SMARCA4: variants seen among roughly 807,000 people sequenced by gnomAD.
SMARCA4 encodes the protein SWI/SNF-related matrix-associated actin-dependent regulator of chromatin subfamily A member 4.
Under a neutral mutation model 193.9 loss-of-function variants are expected in SMARCA4, and 31 were observed. The observed-to-expected ratio is 0.16, with a 90% confidence interval of 0.12 to 0.22. SMARCA4 has a LOEUF of 0.22. Among genes scored for constraint, SMARCA4 ranks in the 10% least tolerant of loss-of-function variants. SMARCA4 has a pLI of 1.00. For synonymous variants in SMARCA4, 942 were observed against 933.1 expected, an observed-to-expected ratio of 1.01 and a Z score of -0.17; for missense variants, 1,148 against 2,296.0, an observed-to-expected ratio of 0.50 and a Z score of 10.22.
chr19:10,981,896 G>A (rs1275695579), intron 1 of SMARCA4, among the ~76,000 whole-genome samples: 1 of 152,184 alleles, frequency 6.6e-6, no homozygotes, highest in Non-Finnish European at 1.5e-5. Context: ...GCTGAGGCAG[G>A]AGGACGGCTT....
In SMARCA4 at chr19:11,041,760, G is replaced by A. The variant is rs372728170; in HGVS notation, c.4424+200G>A. On this transcript the variant is annotated intron_variant, in intron 30 of 34. Transcript: ENST00000344626. This position sits in a 1 kb window ranked among gnomAD's most constrained non-coding sequence, Gnocchi z 5.6. ...AACAGGGAAGCACACATGTATCTGC[G>A]GTGATGAGAGGGAATGTCACATGTG... Among the ~76,000 whole-genome samples, 26 of 152,268 alleles carry A rather than the reference G, an allele frequency of 1.7e-4. No individual in the cohort carries two copies. In the South Asian group the frequency reaches 3.1e-3, roughly 18 times the overall value.
At chr19:11,005,299 C>G (rs765193367) in intron 13 of SMARCA4, among the ~76,000 whole-genome samples, 2 of 152,176 alleles carry the variant, frequency 1.3e-5, no homozygotes, top group Non-Finnish European at 2.9e-5. Context: ...TGTGTATAGC[C>G]TCTGCTGTAT....
rs532279777 is a variant in SMARCA4 at position 11,001,494 on chromosome 19, C to G, written c.1813-1535C>G. Among the ~76,000 whole-genome samples, 60 of 152,234 alleles carry G rather than the reference C, an allele frequency of 3.9e-4. No individual in the cohort carries two copies. The South Asian group carries it at 0.012, about 32-fold the overall frequency. On this transcript the variant is annotated intron_variant, in intron 11 of 34. Transcript: ENST00000344626. ...AAAAATCTTAAAAAGCGAGGATGCC[C>G]AAGCCTCACTCCAGAGGAGTTCAAT... is the stretch of plus-strand genomic sequence containing the variant.
intron 1 of SMARCA4, among the ~76,000 whole-genome samples, chr19:10,972,550 A>AT (rs1414255892): frequency 7.2e-5 from 11 of 152,036 alleles, no homozygotes; most frequent in Admixed American, 2.0e-4. Context: ...AGCTTGGTGC[A>AT]TTCAGCGCTG....
intron 11 of SMARCA4, among the ~76,000 whole-genome samples, chr19:10,998,547 A>C (rs917112234): frequency 6.8e-6 from 1 of 146,042 alleles, no homozygotes; most frequent in African/African-American, 2.5e-5. Flanking sequence ...TCTGATGGCT[A>C]CAGGATGGTG....
chr19:10,963,730 T>C (rs1695741204), intron 1 of SMARCA4, among the ~76,000 whole-genome samples: 1 of 151,796 alleles, frequency 6.6e-6, no homozygotes, highest in Non-Finnish European at 1.5e-5. Flanking sequence ...GGGAAGCCGC[T>C]AACACACTGC....
Position 10,984,443 on chromosome 19 carries a change from G to T in SMARCA4, c.222+70G>T. On this transcript the variant is annotated intron_variant, in intron 2 of 34. Transcript: ENST00000344626. This position sits in a 1 kb window ranked among gnomAD's most constrained non-coding sequence, Gnocchi z 4.3. ...TAGGGCTGCAGGCAGCCTCTGGACC[G>T]AGGGCCTTACTTGGAGGATGGGGGG... 6.5e-7 allele frequency: 1 copy of T among 1,549,016 alleles called. No homozygotes were observed. Among genetic ancestry groups the T allele is most frequent in the Non-Finnish European group, 8.7e-7 (1 of 1,146,796 alleles).
In SMARCA4 at chr19:11,021,961, G is replaced by T. The variant is rs767915497; in HGVS notation, c.2853G>T (p.Gly951=). The change falls in exon 19 of 35, where the codon GGG becomes GGT. Residue 951 remains glycine, a synonymous_variant. Transcript: ENST00000344626. ...TTAACGCACCCTTTGCCATGACCGG[G>T]GAAAAGGTGGGTTTGCCCAGCTGTG... ...QWFNAPFAMT[G]EKVDLNEEET... The T allele has an allele frequency of 2.0e-5, 32 of 1,611,852 alleles. No homozygotes were observed. Among genetic ancestry groups the T allele is most frequent in the Non-Finnish European group, 2.7e-5 (32 of 1,179,954 alleles).
chr19:11,055,336 C>T (rs1314179555), intron 30 of SMARCA4, among the ~76,000 whole-genome samples: 3 of 152,084 alleles, frequency 2.0e-5, no homozygotes, highest in African/African-American at 4.8e-5. Context: ...ATTGCAGGTG[C>T]CTGTCACCAC....
rs2086130582 is a variant in SMARCA4 at position 10,987,188 on chromosome 19, C to CA, written c.859+186dup. On this transcript the variant is annotated intron_variant, in intron 5 of 34. Coordinates refer to ENST00000344626, the MANE Select transcript of SMARCA4 (RefSeq NM_003072.5). The surrounding 1 kb of genome is among the most constrained non-coding windows in gnomAD (Gnocchi z 5.3). ...CAGTCAGTTCCCAAAGGCTGTCGTTCATCCCTCCTCTGACAGCTTGTGGCC... is the reference window on the plus strand; with the variant it reads ...CAGTCAGTTCCCAAAGGCTGTCGTTCAATCCCTCCTCTGACAGCTTGTGGCC... Among the ~76,000 whole-genome samples, 1 of 152,232 alleles carries CA rather than the reference C, an allele frequency of 6.6e-6. No homozygotes were observed. The highest frequency in any genetic ancestry group is 1.5e-5 in the Non-Finnish European group (1 of 68,028).
chr19:11,008,794 T>A (rs2088498643), intron 14 of SMARCA4, among the ~76,000 whole-genome samples: 3 of 151,332 alleles, frequency 2.0e-5, no homozygotes, highest in Non-Finnish European at 4.4e-5. Flanking sequence ...GCCAACTTGG[T>A]GAAACCGCAT....
Position 11,034,054 on chromosome 19 carries a change from C to A in SMARCA4, c.3874-69C>A. 8.1e-7 allele frequency: 1 copy of A among 1,227,142 alleles called. No individual in the cohort carries two copies. Among genetic ancestry groups the A allele is most frequent in the Non-Finnish European group, 1.2e-6 (1 of 829,090 alleles). The allele number at this position is 1,227,142 out of a possible 1,614,324, so 76.0% of individuals were successfully genotyped here. On this transcript the variant is annotated intron_variant, in intron 27 of 34. Coordinates refer to ENST00000344626, the MANE Select transcript of SMARCA4 (RefSeq NM_003072.5). The surrounding 1 kb of genome is among the most constrained non-coding windows in gnomAD (Gnocchi z 7.0). Reference sequence around the variant, plus strand: ...GCTCATTCCCACGGACGCCGCCGCTCGCCTCTGAGCTCGGCCGCCGCCCAC... The same window carrying A: ...GCTCATTCCCACGGACGCCGCCGCTAGCCTCTGAGCTCGGCCGCCGCCCAC...
At chr19:11,000,047 G>A (rs2087477520) in intron 11 of SMARCA4, among the ~76,000 whole-genome samples, 1 of 151,944 alleles carries the variant, frequency 6.6e-6, no homozygotes, top group Admixed American at 6.6e-5. Context: ...CCAACATAGT[G>A]AAACCTCGTC....
At chr19:10,975,604 C>T (rs893674268) in intron 1 of SMARCA4, among the ~76,000 whole-genome samples, 2 of 152,164 alleles carry the variant, frequency 1.3e-5, no homozygotes, top group African/African-American at 4.8e-5. Flanking sequence ...CCACCACGCC[C>T]AGCCTCTCAA....
intron 29 of SMARCA4, among the ~76,000 whole-genome samples, chr19:11,036,939 G>GTA (rs2075303231): frequency 1.3e-5 from 2 of 151,902 alleles, no homozygotes; most frequent in Non-Finnish European, 2.9e-5. Flanking sequence ...AATGTAACAT[G>GTA]CTGACCCATG....
chr19:10,988,738 CTG>C (rs1352297036), intron 6 of SMARCA4, among the ~76,000 whole-genome samples: 1 of 152,114 alleles, frequency 6.6e-6, no homozygotes, highest in African/African-American at 2.4e-5. Flanking sequence ...CCTTTATGGC[CTG>C]TGTTTTCTAA....
intron 1 of SMARCA4, among the ~76,000 whole-genome samples, chr19:10,965,057 C>T (rs2145420609): frequency 6.6e-6 from 1 of 152,294 alleles, no homozygotes; most frequent in Non-Finnish European, 1.5e-5. Flanking sequence ...GCTGCCATGG[C>T]ACAGAAGGAC....
intron 8 of SMARCA4, among the ~76,000 whole-genome samples, chr19:10,992,487 C>T (rs1388568999): frequency 4.6e-4 from 69 of 149,374 alleles, no homozygotes; most frequent in Non-Finnish European, 7.8e-4. Context: ...TGCAATGGCA[C>T]GATCTTGGCT....
chr19:10,994,618 C>G (rs758734719), intron 8 of SMARCA4, among the ~76,000 whole-genome samples: 4 of 151,854 alleles, frequency 2.6e-5, no homozygotes, highest in Admixed American at 6.6e-5. Context: ...GTGCCCAGCC[C>G]TAATTTTTTT....
Sources: allele counts gnomAD v4.1 joint callset (sites outside exome capture counted in the v4.1 genomes callset), GRCh38; gene constraint gnomAD v4.1.1; non-coding constraint Gnocchi (gnomAD v3.1); transcripts MANE v1.5; gene names NCBI Gene and HGNC (gene_info 2026-07-23, HGNC 2026-07-21).